The following LY75 variants were observed in gnomAD, a reference collection of about 807,000 sequenced individuals.
LY75 encodes the protein C-type lectin domain family 13 member B.
Under a neutral mutation model 231.7 loss-of-function variants are expected in LY75, and 185 were observed. The observed-to-expected ratio is 0.80, with a 90% CI of 0.71 to 0.90. The LOEUF is 0.90. LY75 is among the 40% of genes least tolerant of loss of function. The probability of loss-of-function intolerance (pLI) is 0.00; values close to 1 mark genes in which losing one functional copy is unlikely to be tolerated. For missense variants in LY75, 1,947 were observed against 2,050.2 expected (o/e 0.95, Z 0.97); for synonymous variants, 668 against 689.0 (o/e 0.97, Z 0.48).
intron 25 of LY75, 33 bp from the exon 26 acceptor site, chr2:159,835,678 A>T: frequency 6.2e-7 from 1 of 1,605,794 alleles, no homozygotes; most frequent in Non-Finnish European, 8.5e-7. Context: ...TCAGGTGGCA[A>T]TATTGATGTT....
Position 159,850,123 on chromosome 2 carries a change from G to T in LY75, c.3007C>A (p.Leu1003Ile). The T allele has an allele frequency of 6.2e-7, 1 of 1,609,822 alleles. No homozygotes were observed. Residue 1003 changes from leucine to isoleucine, a missense_variant, in exon 23 of 35, where the codon CTT (leucine) becomes ATT (isoleucine). Leu to Ile is a conservative substitution (Grantham distance 5, BLOSUM62 2). Coordinates refer to ENST00000263636, the MANE Select transcript of LY75 (RefSeq NM_002349.4). ...CATAAAGTAGCTTCCATATCCGGAA[G>T]CAAGGATGTAATAAAGTCTGTTAGA... ...QIEQDFITSLLPDMEATLWIG... is the reference protein window; with the variant it reads ...QIEQDFITSLIPDMEATLWIG...
intron 25 of LY75, among the ~76,000 whole-genome samples, chr2:159,838,218 T>C (rs7570513): frequency 0.14 from 21,465 of 152,230 alleles, 1,863 homozygotes; most frequent in East Asian, 0.28. Flanking sequence ...TATCTTCTCA[T>C]TGCTTTCAAT....
At chr2:159,874,700 GTAAATATATGTAAATATATA>G (rs1685183905) in intron 12 of LY75, among the ~76,000 whole-genome samples, 5 of 22,256 alleles carry the variant, frequency 2.2e-4, no homozygotes, top group Non-Finnish European at 4.6e-4. Context: ...TATATATTTT[GTAAATATATGTAAATATATA>G]TATTTTGTAA....
chr2:159,834,376 C>T (rs978871882), intron 26 of LY75, among the ~76,000 whole-genome samples, 165 bp from the exon 27 acceptor site: 4 of 152,300 alleles, frequency 2.6e-5, no homozygotes, highest in Admixed American at 6.5e-5. Context: ...AAAAAGCCAG[C>T]TTTCTATAGG....
intron 5 of LY75, among the ~76,000 whole-genome samples, chr2:159,885,580 C>G (rs2729727): frequency 0.85 from 128,580 of 152,076 alleles, 56,852 homozygotes; most frequent in East Asian, 1. Context: ...ATATTCTATG[C>G]TTAGTAGCTC....
rs1466503418 is a variant in LY75 at position 159,885,134 on chromosome 2, G to A, written c.1054+19C>T. 1 of 1,608,960 alleles carries A rather than the reference G, an allele frequency of 6.2e-7. No homozygotes were observed. The highest frequency in any genetic ancestry group is 8.5e-7 in the Non-Finnish European group (1 of 1,177,338). On this transcript the variant is annotated intron_variant, in intron 6 of 34. Transcript: ENST00000263636. ...TTAAGACCTATTTGTCTATTTGTAT[G>A]AGTATGTGAGAAAGATACCTGTTAA...
At chr2:159,881,031 T>A in intron 8 of LY75, 52 bp downstream of exon 8, 3 of 1,573,180 alleles carry the variant, frequency 1.9e-6, no homozygotes, top group Non-Finnish European at 2.6e-6. Context: ...GTCTTAATAT[T>A]ATCATTAGGT....
At chr2:159,899,087 G>A in intron 1 of LY75, 28 bp from the exon 2 acceptor site, 1 of 1,598,312 alleles carries the variant, frequency 6.3e-7, no homozygotes, top group South Asian at 1.1e-5. Flanking sequence ...ACAGATTGTA[G>A]ATTATGTGGT....
chr2:159,808,362 A>G (rs1682851062), intron 33 of LY75, 87 bp downstream of exon 33: 1 of 1,604,970 alleles, frequency 6.2e-7, no homozygotes, highest in East Asian at 2.2e-5. Context: ...ATTAGCCACT[A>G]CTTAACATTC....
chr2:159,874,859 ATT>A (rs1685202185), intron 12 of LY75, among the ~76,000 whole-genome samples: 1 of 125,492 alleles, frequency 8.0e-6, no homozygotes, highest in African/African-American at 3.0e-5. Context: ...ATATATATAT[ATT>A]TTGTAAATAT....
Position 159,854,361 on chromosome 2 carries a change from T to A in LY75, c.2594A>T (p.Asn865Ile), listed in dbSNP as rs1485901410. Reference protein sequence around the residue: ...GLKAIKNKIANISGDGQKWWI... With the variant: ...GLKAIKNKIAIISGDGQKWWI... Reference sequence around the variant, plus strand: ...TTAAAATATATTCTTTTAAATTACATTTGCTATTTTGTTTTTGATGGCTTT... The same window carrying A: ...TTAAAATATATTCTTTTAAATTACAATTGCTATTTTGTTTTTGATGGCTTT... Residue 865 changes from asparagine to isoleucine, a missense_variant and splice_region_variant, in exon 18 of 35, where the codon AAT (asparagine) becomes ATT (isoleucine). Physicochemically the swap from Asn to Ile is moderately radical, Grantham distance 149. Transcript: ENST00000263636. 1 of 1,405,852 alleles carries A rather than the reference T, an allele frequency of 7.1e-7. No homozygotes were observed. Among genetic ancestry groups the A allele is most frequent in the Non-Finnish European group, 9.4e-7 (1 of 1,066,952 alleles). The allele number at this position is 1,405,852 out of a possible 1,614,324, so 87.1% of individuals were successfully genotyped here.
intron 1 of LY75, among the ~76,000 whole-genome samples, chr2:159,900,809 C>G (rs1686052716): frequency 6.6e-6 from 1 of 152,126 alleles, no homozygotes; most frequent in South Asian, 2.1e-4. Flanking sequence ...AGGATTGCAG[C>G]TAAGGATGTT....
chr2:159,843,696 A>G (rs2125848855), intron 23 of LY75, among the ~76,000 whole-genome samples: 1 of 152,258 alleles, frequency 6.6e-6, no homozygotes, highest in East Asian at 1.9e-4. Flanking sequence ...CTGACTCCAG[A>G]GCTTGGGCCC....
intron 14 of LY75, among the ~76,000 whole-genome samples, chr2:159,863,481 T>C (rs1684773039): frequency 6.6e-6 from 1 of 152,206 alleles, no homozygotes; most frequent in Admixed American, 6.5e-5. Context: ...GTCTTTTTTA[T>C]AATAATCATT....
At chr2:159,844,649 C>T (rs188486083) in intron 23 of LY75, among the ~76,000 whole-genome samples, 175 of 151,706 alleles carry the variant, frequency 1.2e-3, no homozygotes, top group African/African-American at 4.1e-3. Context: ...ACTTAGGAAA[C>T]CCAAGAAAAT....
chr2:159,879,096 A>T (rs1438001760), intron 9 of LY75, among the ~76,000 whole-genome samples, 163 bp downstream of exon 9: 1 of 152,224 alleles, frequency 6.6e-6, no homozygotes, highest in Non-Finnish European at 1.5e-5. Flanking sequence ...TAAGAAGGCC[A>T]ATATGCTATG....
At chr2:159,870,033 T>G (rs17231342) in intron 13 of LY75, among the ~76,000 whole-genome samples, 46,587 of 152,112 alleles carry the variant, frequency 0.31, 9,351 homozygotes, top group Non-Finnish European at 0.46. Context: ...ATACCTGAGA[T>G]TCTACGATAG....
intron 27 of LY75, among the ~76,000 whole-genome samples, chr2:159,832,489 C>T (rs576317735): frequency 6.6e-6 from 1 of 152,194 alleles, no homozygotes; most frequent in Non-Finnish European, 1.5e-5. Context: ...TTGGGGACTG[C>T]TGGGCTATAC....
chr2:159,806,904 T>C, intron 34 of LY75, 69 bp downstream of exon 34: 1 of 1,516,850 alleles, frequency 6.6e-7, no homozygotes, highest in Non-Finnish European at 8.8e-7. Flanking sequence ...ATTTTGTACA[T>C]AATTGGATTG....
Sources: allele counts gnomAD v4.1 joint callset (sites outside exome capture counted in the v4.1 genomes callset), GRCh38; gene constraint gnomAD v4.1.1; transcripts MANE v1.5; gene names NCBI Gene and HGNC (gene_info 2026-07-23, HGNC 2026-07-21).